The following GYG1 variants were observed in gnomAD, a reference collection of about 807,000 sequenced individuals.
GYG1 encodes glycogenin 1, also known as glycogenin-1.
GYG1 carries 44 observed loss-of-function variants against 41.9 expected under a neutral mutation model. That is an observed-to-expected ratio of 1.05 (90% CI 0.83 to 1.35). The LOEUF is 1.35. GYG1 is among the 40% of genes most tolerant of loss of function. GYG1 has a pLI of 0.00. For missense variants in GYG1, 429 were observed against 418.9 expected (o/e 1.02, Z -0.21); for synonymous variants, 141 against 158.1 (o/e 0.89, Z 0.81).
Position 149,027,277 on chromosome 3 carries a change from C to T in GYG1, c.*344C>T, listed in dbSNP as rs1257142279. On this transcript the variant is annotated 3_prime_UTR_variant, in exon 8 of 8. Coordinates refer to ENST00000345003, the MANE Select transcript of GYG1 (RefSeq NM_004130.4). ...AGCCTGGTTCAAAATCAGTCACTCCCTTCAGAAGCAGACATGGCATCTGTT... is the reference window on the plus strand; with the variant it reads ...AGCCTGGTTCAAAATCAGTCACTCCTTTCAGAAGCAGACATGGCATCTGTT... 1.2e-5 allele frequency: 4 copies of T among 323,100 alleles called. 1 individual carries two copies. The highest frequency in any genetic ancestry group is 2.3e-5 in the Non-Finnish European group (4 of 170,894). 20.0% of individuals were successfully genotyped at this position (323,100 alleles called of 1,614,324 possible).
intron 5 of GYG1, among the ~76,000 whole-genome samples, chr3:149,012,130 G>A (rs1447150699): frequency 1.3e-5 from 2 of 151,018 alleles, no homozygotes; most frequent in South Asian, 2.1e-4. Context: ...AAAGGTACAG[G>A]TAGTTACATT....
rs1714799761 is a variant in GYG1, at chr3:149,028,926, C to T, written c.*1993C>T. On this transcript the variant is annotated 3_prime_UTR_variant, in exon 8 of 8. Transcript: ENST00000345003. The stretch of plus-strand genomic sequence containing the variant: ...AGTAGAGACAGGTTTCACCATGTTG[C>T]CAGGATGGTCTCAATCTCTTGACCT... Among the ~76,000 whole-genome samples the T allele has an allele frequency of 6.6e-6, 1 of 152,016 alleles. No homozygotes were observed. Among genetic ancestry groups the T allele is most frequent in the Non-Finnish European group, 1.5e-5 (1 of 68,004 alleles).
chr3:149,016,707 C>T (rs1036504260), intron 5 of GYG1, among the ~76,000 whole-genome samples: 1 of 152,160 alleles, frequency 6.6e-6, no homozygotes, highest in Non-Finnish European at 1.5e-5. Context: ...GTTCCTCAGG[C>T]CCCACCTCAG....
intron 5 of GYG1, among the ~76,000 whole-genome samples, chr3:149,018,456 C>G (rs901513256): frequency 6.6e-6 from 1 of 152,164 alleles, no homozygotes; most frequent in African/African-American, 2.4e-5. Flanking sequence ...TCATATCAAG[C>G]CAAGTGCTGC....
chr3:149,026,513 C>CTT lies in GYG1; in HGVS notation c.879+12_879+13dup, dbSNP rs776740294. The CTT allele has an allele frequency of 6.4e-6, 10 of 1,558,822 alleles. No individual in the cohort carries two copies. The highest frequency in any genetic ancestry group is 1.7e-4 in the Middle Eastern group (1 of 5,988). ...GGCTTCTGTAGAAAGGTATGCAGAA[C>CTT]TTAAAGATTAACCCTAATTACTTTG... On this transcript the variant is annotated intron_variant, in intron 7 of 7. Coordinates refer to ENST00000345003, the MANE Select transcript of GYG1 (RefSeq NM_004130.4).
At chr3:148,994,378 G>A (rs535587561) in intron 2 of GYG1, 101 bp downstream of exon 2, 6 of 1,267,376 alleles carry the variant, frequency 4.7e-6, no homozygotes, top group Non-Finnish European at 6.9e-6. Flanking sequence ...TTCAGGAATT[G>A]AGCACCGGGT....
chr3:149,028,705 ATTTTTTTT>A lies in GYG1; in HGVS notation c.*1788_*1795del, dbSNP rs71617496. Among the ~76,000 whole-genome samples the A allele has an allele frequency of 1.3e-4, 18 of 133,714 alleles. No individual in the cohort carries two copies. Among genetic ancestry groups the A allele is most frequent in the South Asian group, 4.6e-4 (2 of 4,366 alleles). 87.7% of individuals were successfully genotyped at this position (133,714 alleles called of 152,430 possible). A position where few individuals can be genotyped will look rare whatever the true frequency, so the allele number is the denominator to read the frequency against. ...GGTGGAAAAGCTGACATAGTTTTAA[ATTTTTTTT>A]TTTTTTTTTTTTTTTCTTGAGGCAG... is the stretch of plus-strand genomic sequence containing the variant. On this transcript the variant is annotated 3_prime_UTR_variant, in exon 8 of 8. Transcript: ENST00000345003.
chr3:149,025,485 C>T (rs887886625), intron 6 of GYG1, among the ~76,000 whole-genome samples: 32 of 152,006 alleles, frequency 2.1e-4, no homozygotes, highest in African/African-American at 7.0e-4. Context: ...GGTTGGGGAC[C>T]CCTGTCATAC....
intron 5 of GYG1, among the ~76,000 whole-genome samples, chr3:149,014,009 C>T (rs1272244331): frequency 1.3e-5 from 2 of 152,204 alleles, no homozygotes; most frequent in Non-Finnish European, 2.9e-5. Context: ...TCTGCTCACT[C>T]AAGGCCTCAG....
intron 2 of GYG1, among the ~76,000 whole-genome samples, chr3:148,995,305 G>C (rs1372140434): frequency 6.6e-6 from 1 of 152,190 alleles, no homozygotes; most frequent in Non-Finnish European, 1.5e-5. Flanking sequence ...GTAACTTTGT[G>C]ATGTGTTTAT....
chr3:149,015,060 G>T (rs543438104), intron 5 of GYG1, among the ~76,000 whole-genome samples: 3 of 152,210 alleles, frequency 2.0e-5, no homozygotes, highest in Admixed American at 1.3e-4. Context: ...CAGGTATTTG[G>T]TAGGATATGT....
chr3:149,001,354 A>G (rs908021962), intron 4 of GYG1: 13 of 152,348 alleles, frequency 8.5e-5, no homozygotes, highest in African/African-American at 2.9e-4. Context: ...CAAAAGCCAT[A>G]TCATGTAATG....
In GYG1 at chr3:149,029,815, GA is replaced by G. The variant is rs2107928789; in HGVS notation, c.*2883del. On this transcript the variant is annotated 3_prime_UTR_variant, in exon 8 of 8. Coordinates refer to ENST00000345003, the MANE Select transcript of GYG1 (RefSeq NM_004130.4). Reference sequence around the variant, plus strand: ...TAATTTTAAGGACAAAATGTACAATGATTGATTAAGAGTGCTATCTGTGTAT... The same window carrying G: ...TAATTTTAAGGACAAAATGTACAATGTTGATTAAGAGTGCTATCTGTGTAT... Among the ~76,000 whole-genome samples the G allele has an allele frequency of 6.6e-6, 1 of 152,254 alleles. No individual in the cohort carries two copies. Among genetic ancestry groups the G allele is most frequent in the South Asian group, 2.1e-4 (1 of 4,830 alleles).
rs1218339958 is a variant in GYG1, at chr3:149,030,298, T to TATATATTTATCCTTCTTAG, written c.*3366_*3384dup. On this transcript the variant is annotated 3_prime_UTR_variant, in exon 8 of 8. Transcript: ENST00000345003. ...GAAGTTTTCATTCCAGTGGCTTTTT[T>TATATATTTATCCTTCTTAG]ATATATTTATCCTTCTTAGGAAGGA... 6.6e-6 allele frequency: 1 copy of TATATATTTATCCTTCTTAG among 152,188 alleles called. No homozygotes were observed. Among genetic ancestry groups the TATATATTTATCCTTCTTAG allele is most frequent in the Non-Finnish European group, 1.5e-5 (1 of 68,032 alleles). 9.4% of individuals were successfully genotyped at this position (152,188 alleles called of 1,614,324 possible).
intron 5 of GYG1, among the ~76,000 whole-genome samples, chr3:149,018,639 G>C (rs1475059165): frequency 2.0e-5 from 3 of 152,150 alleles, no homozygotes; most frequent in Non-Finnish European, 1.5e-5. Context: ...CTCTTGGGCT[G>C]GTCTAAACCT....
intron 5 of GYG1, among the ~76,000 whole-genome samples, chr3:149,016,150 A>G (rs538861976): frequency 1.0e-3 from 158 of 151,478 alleles, no homozygotes; most frequent in Non-Finnish European, 1.8e-3. Context: ...TGTCCCAGCT[A>G]CTCAGGAGGC....
rs1714274849 is a variant in GYG1 at position 149,019,878 on chromosome 3, A to G, written c.609-4175A>G. 2.0e-5 allele frequency among the ~76,000 whole-genome samples: 3 copies of G among 152,218 alleles called. No individual in the cohort carries two copies. In the South Asian group the frequency reaches 6.2e-4, roughly 32 times the overall value. On this transcript the variant is annotated intron_variant, in intron 5 of 7. Transcript: ENST00000345003. ...CAGGAGGGCTGCAGAATCCTCTTGA[A>G]CCAGTCGTGTGGCGGTCCAGAGCCA...
rs1051675761 is a variant in GYG1 at position 149,014,789 on chromosome 3, A to G, written c.608+5387A>G. On this transcript the variant is annotated intron_variant, in intron 5 of 7. Transcript: ENST00000345003. ...AGGCTGAGGCAGAAGAATGGCTTGA[A>G]CCAGGGAGGCAGAGGTTGGAGTGAG... Among the ~76,000 whole-genome samples, 3 of 151,650 alleles carry G rather than the reference A, an allele frequency of 2.0e-5. No homozygotes were observed. In the East Asian group the frequency reaches 5.8e-4, roughly 29 times the overall value.
chr3:148,997,054 TTGTGTG>T (rs10571382), intron 4 of GYG1, 150 bp downstream of exon 4: 6,618 of 589,580 alleles, frequency 0.011, no homozygotes, highest in Middle Eastern at 0.016. Flanking sequence ...CTGGGAAATA[TTGTGTG>T]TGTGTGTGTG....
Sources: gnomAD v4.1 joint callset for allele counts (sites outside exome capture counted in the v4.1 genomes callset) on GRCh38, gnomAD v4.1.1 for gene constraint, MANE v1.5 for transcripts, NCBI Gene and HGNC (gene_info 2026-07-23, HGNC 2026-07-21) for gene names.